Variants in CCT3 observed in about 807,000 individuals in gnomAD.
The protein encoded by CCT3 is T-complex protein 1 subunit gamma.
In CCT3, 10 loss-of-function variants were observed where a neutral mutation model predicts 65.3. The ratio of observed to expected loss-of-function variants is 0.15; its 90% CI spans 0.09 to 0.26. CCT3 has a LOEUF of 0.26. Ranked by LOEUF, CCT3 falls within the 10% of genes least tolerant of loss-of-function variation. The probability of loss-of-function intolerance (pLI) is 1.00; values close to 1 mark genes in which losing one functional copy is unlikely to be tolerated. For synonymous variants in CCT3, 225 were observed against 242.3 expected (o/e 0.93, Z 0.66); for missense variants, 626 against 708.7 (o/e 0.88, Z 1.33).
rs148600760 is a variant in CCT3 at position 156,333,092 on chromosome 1, G to A, written c.304+455C>T. ...GGGCGGATCACGAGGTTAAGAGATC[G>A]AGACCATCTGGCCAACATGGTGAAA... is the stretch of plus-strand genomic sequence containing the variant. On this transcript the variant is annotated intron_variant, in intron 5 of 13. Coordinates refer to ENST00000295688, the MANE Select transcript of CCT3 (RefSeq NM_005998.5). 6.0e-3 allele frequency: 1,155 copies of A among 192,146 alleles called. 14 individuals are homozygous for A. The highest frequency in any genetic ancestry group is 0.026 in the African/African-American group (1,103 of 41,796). The allele number at this position is 192,146 out of a possible 1,614,324, so 11.9% of individuals were successfully genotyped here. A position where few individuals can be genotyped will look rare whatever the true frequency, so the allele number is the denominator to read the frequency against.
intron 4 of CCT3, 108 bp from the exon 5 acceptor site, chr1:156,333,751 T>C: frequency 2.7e-6 from 2 of 733,272 alleles, no homozygotes; most frequent in Non-Finnish European, 4.6e-6. Flanking sequence ...TTACTTTCCC[T>C]TTAATGTTTT....
At position 156,310,585 on chromosome 1, in the gene CCT3, C is replaced by A; in HGVS notation, c.1506G>T (p.Lys502Asn). Residue 502 changes from lysine (K) to asparagine (N), a missense_variant, in exon 13 of 14, where the codon AAG becomes AAT. By Grantham distance (94) the Lys-to-Asn change is moderately conservative. Coordinates refer to ENST00000295688, the MANE Select transcript of CCT3 (RefSeq NM_005998.5). The stretch of plus-strand genomic sequence containing the variant: ...CCACTGCTGTCTTATAAGTCTGCAG[C>A]TTCACAGCCAATGGCTCCCATATGC... The part of the protein sequence containing the change: ...ELGIWEPLAV[K>N]LQTYKTAVET... The A allele has an allele frequency of 6.2e-7, 1 of 1,613,770 alleles. No homozygotes were observed. Among genetic ancestry groups the A allele is most frequent in the Non-Finnish European group, 8.5e-7 (1 of 1,179,716 alleles).
At chr1:156,327,319 C>T (rs936386762) in intron 5 of CCT3, among the ~76,000 whole-genome samples, 2 of 151,678 alleles carry the variant, frequency 1.3e-5, no homozygotes, top group Non-Finnish European at 3.0e-5. Flanking sequence ...CCTCTCTTTC[C>T]ACGGTCTCCC....
intron 6 of CCT3, among the ~76,000 whole-genome samples, chr1:156,323,978 G>A (rs1314057798): frequency 6.6e-6 from 1 of 151,378 alleles, no homozygotes; most frequent in Admixed American, 6.6e-5. Context: ...GGCCAGGCTG[G>A]TCTTGAACTC....
chr1:156,320,413 AAAAC>A (rs1029600996), intron 7 of CCT3, among the ~76,000 whole-genome samples: 9 of 152,242 alleles, frequency 5.9e-5, no homozygotes, highest in East Asian at 1.9e-4. Flanking sequence ...CCATCTCAAA[AAAAC>A]AAACAAACAA....
chr1:156,338,190 C>G lies in CCT3; in HGVS notation c.-6G>C. On this transcript the variant is annotated 5_prime_UTR_variant, in exon 1 of 14. Transcript: ENST00000295688. ...ACTGGACGATGGCCCATCATGGCGA[C>G]GCGATGCAGAGCCGGGTACCCAGAG... 4 of 1,587,360 alleles carry G rather than the reference C, an allele frequency of 2.5e-6. No homozygotes were observed. The highest frequency in any genetic ancestry group is 3.4e-6 in the Non-Finnish European group (4 of 1,168,562).
At chr1:156,312,649 C>A (rs1420889946) in intron 10 of CCT3, among the ~76,000 whole-genome samples, 1 of 144,404 alleles carries the variant, frequency 6.9e-6, no homozygotes, top group African/African-American at 2.5e-5. Context: ...CAGAGTGGGA[C>A]CCTATCTAAA....
intron 1 of CCT3, among the ~76,000 whole-genome samples, chr1:156,336,430 T>G (rs1313319685): frequency 2.0e-5 from 3 of 151,744 alleles, no homozygotes; most frequent in Non-Finnish European, 4.4e-5. Context: ...GATCATACTC[T>G]AACAGGTCCA....
chr1:156,321,897 T>C (rs1664567382), intron 6 of CCT3, among the ~76,000 whole-genome samples: 1 of 152,148 alleles, frequency 6.6e-6, no homozygotes, highest in African/African-American at 2.4e-5. Flanking sequence ...GCACATAATA[T>C]ACCAATTATT....
At chr1:156,315,943 AT>A (rs201818538) in intron 10 of CCT3, among the ~76,000 whole-genome samples, 1,530 of 152,250 alleles carry the variant, frequency 0.01, 24 homozygotes, top group African/African-American at 0.035. Flanking sequence ...GATATAACCC[AT>A]CCTGTACTGC....
intron 11 of CCT3, 53 bp from the exon 12 acceptor site, chr1:156,311,248 C>A: frequency 6.4e-7 from 1 of 1,570,770 alleles, no homozygotes; most frequent in Non-Finnish European, 8.7e-7. Context: ...CTCATAAAAT[C>A]GGAGGCACCA....
At chr1:156,324,315 C>T (rs1402542237) in intron 6 of CCT3, among the ~76,000 whole-genome samples, 2 of 151,950 alleles carry the variant, frequency 1.3e-5, no homozygotes, top group Non-Finnish European at 2.9e-5. Flanking sequence ...GATCCACCCA[C>T]CTGGGCCAAA....
intron 6 of CCT3, 44 bp downstream of exon 6, chr1:156,324,928 G>T: frequency 7.7e-7 from 1 of 1,301,756 alleles, no homozygotes; most frequent in Non-Finnish European, 1.1e-6. Context: ...CGTCTAGCCA[G>T]GCCTCTCATA....
At chr1:156,329,628 T>C (rs566766112) in intron 5 of CCT3, among the ~76,000 whole-genome samples, 1 of 151,088 alleles carries the variant, frequency 6.6e-6, no homozygotes, top group Admixed American at 6.6e-5. Context: ...TTAAGCAGCA[T>C]ATTATTGCAT....
At chr1:156,329,808 G>A (rs565772532) in intron 5 of CCT3, among the ~76,000 whole-genome samples, 3 of 151,688 alleles carry the variant, frequency 2.0e-5, no homozygotes, top group East Asian at 3.9e-4. Context: ...GCATGGTGGC[G>A]GGTGCCTGTA....
chr1:156,337,041 G>A, intron 1 of CCT3: 1 of 1,272,104 alleles, frequency 7.9e-7, no homozygotes, highest in Non-Finnish European at 1.0e-6. Flanking sequence ...AGGCTCTGCA[G>A]ATGAGGTACA....
At chr1:156,323,442 G>C (rs538012090) in intron 6 of CCT3, among the ~76,000 whole-genome samples, 1 of 151,848 alleles carries the variant, frequency 6.6e-6, no homozygotes, top group African/African-American at 2.4e-5. Flanking sequence ...CCAGTTGGGC[G>C]TGGAAAAAAT....
chr1:156,315,850 T>C (rs1175263620), intron 10 of CCT3, among the ~76,000 whole-genome samples: 2 of 152,098 alleles, frequency 1.3e-5, no homozygotes, highest in Non-Finnish European at 2.9e-5. Context: ...ATGTACATAT[T>C]TCAACTAGAG....
In CCT3 at chr1:156,311,093, G is replaced by A. The variant is rs1335948835; in HGVS notation, c.1258C>T (p.His420Tyr). The A allele has an allele frequency of 1.2e-6, 2 of 1,614,044 alleles. No individual in the cohort carries two copies. The highest frequency in any genetic ancestry group is 2.7e-5 in the African/African-American group (2 of 74,912). The part of the protein sequence containing the change: ...GGGASEMAVA[H>Y]ALTEKSKAMT... ...GCCTTGGATTTTTCTGTCAAGGCAT[G>A]GGCCACAGCCATCTCGGAGGCCCCA... The change falls in exon 12 of 14, where the codon CAT becomes TAT. Residue 420 changes from histidine (H) to tyrosine (Y), a missense_variant. By Grantham distance (83) the His-to-Tyr change is moderately conservative. Coordinates refer to ENST00000295688, the MANE Select transcript of CCT3 (RefSeq NM_005998.5).
Sources: gnomAD v4.1 joint callset for allele counts (sites outside exome capture counted in the v4.1 genomes callset) on GRCh38, gnomAD v4.1.1 for gene constraint, MANE v1.5 for transcripts, NCBI Gene and HGNC (gene_info 2026-07-23, HGNC 2026-07-21) for gene names.